Variants in IRGM observed in about 807,000 individuals in gnomAD.
IRGM encodes the protein immunity related GTPase M, also known as immunity-related GTPase family M protein.
For missense variants in IRGM, 288 were observed against 219.9 expected, an observed-to-expected ratio of 1.31 and a Z score of -1.96; for synonymous variants, 98 against 80.6, an observed-to-expected ratio of 1.22 and a Z score of -1.16.
At chr5:150,898,327 T>C (rs1754871198) in intron 3 of IRGM, 1 of 1,602,120 alleles carries the variant, frequency 6.2e-7, no homozygotes, top group African/African-American at 1.3e-5. Context: ...ATGAAGGTCA[T>C]AAAAGTCATG....
At chr5:150,851,966 T>C (rs924839050), downstream of IRGM, among the ~76,000 whole-genome samples, 8 of 152,208 alleles carry the variant, frequency 5.3e-5, no homozygotes, top group African/African-American at 1.9e-4. Context: ...GGCATGTACA[T>C]GATACATACA....
intron 1 of IRGM, among the ~76,000 whole-genome samples, chr5:150,874,713 A>G (rs917765002): frequency 1.3e-5 from 2 of 152,192 alleles, no homozygotes; most frequent in African/African-American, 4.8e-5. Context: ...AGCAGATCCA[A>G]TGGTGCTTGA....
intron 3 of IRGM, among the ~76,000 whole-genome samples, chr5:150,894,185 C>T (rs770462866): frequency 2.0e-5 from 3 of 152,018 alleles, no homozygotes; most frequent in Non-Finnish European, 2.9e-5. Context: ...TGCTCTCCTG[C>T]AGGTCACTTC....
chr5:150,902,394 C>T (rs1755021816), downstream of IRGM, among the ~76,000 whole-genome samples: 1 of 152,124 alleles, frequency 6.6e-6, no homozygotes, highest in Non-Finnish European at 1.5e-5. Context: ...GCCTATCTTA[C>T]GTTAATGAAT....
intron 3 of IRGM, chr5:150,898,207 A>C: frequency 6.2e-7 from 1 of 1,611,942 alleles, no homozygotes; most frequent in Non-Finnish European, 8.5e-7. Context: ...AATCACAGAG[A>C]ATTGAGATTG....
At chr5:150,851,909 A>G (rs1010943373), downstream of IRGM, among the ~76,000 whole-genome samples, 1 of 152,228 alleles carries the variant, frequency 6.6e-6, no homozygotes, top group African/African-American at 2.4e-5. Flanking sequence ...AACTAATGGA[A>G]TGTAAAAAGC....
chr5:150,895,966 T>A, intron 3 of IRGM: 3 of 1,613,272 alleles, frequency 1.9e-6, no homozygotes, highest in Non-Finnish European at 2.5e-6. Context: ...TTATGTATAA[T>A]GAGGTGGGAC....
intron 1 of IRGM, among the ~76,000 whole-genome samples, chr5:150,867,787 T>C (rs1398900023): frequency 6.6e-6 from 1 of 152,052 alleles, no homozygotes; most frequent in Non-Finnish European, 1.5e-5. Flanking sequence ...CTTTTGAGAA[T>C]TGTCTGTTCA....
At chr5:150,874,586 C>G (rs1288761821) in intron 1 of IRGM, among the ~76,000 whole-genome samples, 1 of 152,172 alleles carries the variant, frequency 6.6e-6, no homozygotes, top group Non-Finnish European at 1.5e-5. Context: ...TATTCTGGCT[C>G]ATTTATTGAA....
At chr5:150,866,767 A>C (rs1294426575) in intron 1 of IRGM, among the ~76,000 whole-genome samples, 1 of 152,220 alleles carries the variant, frequency 6.6e-6, no homozygotes, top group Non-Finnish European at 1.5e-5. Context: ...ACCGTTTTCC[A>C]AGAGATGAGT....
At chr5:150,883,513 GAAAAA>G (rs1227040464) in intron 3 of IRGM, among the ~76,000 whole-genome samples, 5 of 151,526 alleles carry the variant, frequency 3.3e-5, no homozygotes, top group East Asian at 3.9e-4. Context: ...GCTAGACTAA[GAAAAA>G]AAGCAAGAAG....
chr5:150,869,975 A>G (rs4554200), intron 1 of IRGM, among the ~76,000 whole-genome samples: 38,307 of 152,078 alleles, frequency 0.25, 6,987 homozygotes, highest in East Asian at 0.61. Context: ...TTAAAAAATA[A>G]CAGGAATTAC....
rs138054671 is a variant in IRGM, at chr5:150,888,908, C to A, written c.*140+9262C>A. Among the ~76,000 whole-genome samples the A allele has an allele frequency of 1.4e-3, 207 of 152,080 alleles. 1 individual carries two copies. In the East Asian group the frequency reaches 0.022, roughly 16 times the overall value. On this transcript the variant is annotated intron_variant and NMD_transcript_variant, in intron 3 of 3. Coordinates refer to the IRGM transcript ENST00000520549. ...TCTTAACAACATTGAGCCTTCCAACCAATAAACTAGATCTATTTCTCTATT... is the reference window on the plus strand; with the variant it reads ...TCTTAACAACATTGAGCCTTCCAACAAATAAACTAGATCTATTTCTCTATT...
intron 3 of IRGM, among the ~76,000 whole-genome samples, chr5:150,884,469 G>T (rs1163288968): frequency 1.3e-5 from 2 of 151,998 alleles, no homozygotes; most frequent in African/African-American, 2.4e-5. Flanking sequence ...TGGTAGTTTT[G>T]CTTTTAGCTC....
intron 1 of IRGM, among the ~76,000 whole-genome samples, chr5:150,859,763 C>T (rs951550615): frequency 3.9e-5 from 6 of 152,052 alleles, no homozygotes; most frequent in Admixed American, 6.5e-5. Flanking sequence ...TCTGTGGGAT[C>T]GGTGGTGATA....
At chr5:150,860,625 A>G (rs1754122460) in intron 1 of IRGM, among the ~76,000 whole-genome samples, 1 of 152,226 alleles carries the variant, frequency 6.6e-6, no homozygotes, top group Non-Finnish European at 1.5e-5. Flanking sequence ...CACAGGAACA[A>G]GGTCCAAGAT....
rs913219331 is a variant in IRGM, at chr5:150,848,319, A to G, written c.196A>G (p.Thr66Ala). The change falls in exon 2 of 2, where the codon ACT becomes GCT. Residue 66 changes from threonine to alanine, a missense_variant. Coordinates refer to ENST00000522154, the MANE Select transcript of IRGM (RefSeq NM_001145805.2). ...ACATGAGGGTAAGGCCTCACCTCCT[A>G]CTGAGCTGGTAAAAGCTACCCAAAG... is the stretch of plus-strand genomic sequence containing the variant. Reference protein sequence around the residue: ...TGHEGKASPPTELVKATQRCA... With the variant: ...TGHEGKASPPAELVKATQRCA... 4 of 1,551,670 alleles carry G rather than the reference A, an allele frequency of 2.6e-6. No homozygotes were observed. In the African/African-American group the frequency reaches 4.1e-5, roughly 16 times the overall value.
chr5:150,900,725 T>C (rs1200793545), exon 4 of IRGM: 3 of 152,088 alleles, frequency 2.0e-5, no homozygotes, highest in African/African-American at 7.2e-5. Flanking sequence ...TTAAAACTTA[T>C]GTTTAGTTAA....
At chr5:150,896,610 T>C in intron 3 of IRGM, 2 of 1,613,738 alleles carry the variant, frequency 1.2e-6, no homozygotes, top group Non-Finnish European at 1.7e-6. Context: ...ATCAGGTTTT[T>C]TTCTTGAATT....
Sources: gnomAD v4.1 joint callset for allele counts (sites outside exome capture counted in the v4.1 genomes callset) on GRCh38, gnomAD v4.1.1 for gene constraint, MANE v1.5 for transcripts, NCBI Gene and HGNC (gene_info 2026-07-23, HGNC 2026-07-21) for gene names.